The following MDGA2 variants were observed in gnomAD, a reference collection of about 807,000 sequenced individuals.
MDGA2 encodes the protein MAM domain-containing glycosylphosphatidylinositol anchor protein 2.
In MDGA2, 40 loss-of-function variants were observed where a neutral mutation model predicts 117.8. The ratio of observed to expected loss-of-function variants is 0.34; its 90% CI spans 0.26 to 0.44. The LOEUF is 0.44. Among genes scored for constraint, MDGA2 ranks in the 20% least tolerant of loss-of-function variants. The pLI, the probability that MDGA2 is intolerant of heterozygous loss-of-function variation, is 1.00. For missense variants in MDGA2, 1,123 were observed against 1,250.6 expected (o/e 0.90, Z 1.54); for synonymous variants, 452 against 439.0 (o/e 1.03, Z -0.37).
intron 2 of MDGA2, among the ~76,000 whole-genome samples, chr14:47,262,361 C>T (rs117811801): frequency 3.9e-5 from 6 of 152,278 alleles, no homozygotes; most frequent in Non-Finnish European, 7.4e-5. Flanking sequence ...GATGAGTTAA[C>T]ATGACTTAAT....
At chr14:47,629,105 C>T (rs1382121133) in intron 1 of MDGA2, among the ~76,000 whole-genome samples, 3 of 152,090 alleles carry the variant, frequency 2.0e-5, no homozygotes, top group Non-Finnish European at 4.4e-5. Context: ...TCTCAGGGCC[C>T]GCCTCACATC....
At chr14:47,217,050 C>T (rs1886117550) in intron 3 of MDGA2, among the ~76,000 whole-genome samples, 1 of 152,086 alleles carries the variant, frequency 6.6e-6, no homozygotes, top group Non-Finnish European at 1.5e-5. Flanking sequence ...TCACCCACTT[C>T]TCAGTCATCT....
chr14:47,172,706 G>A (rs1265397411), intron 3 of MDGA2, among the ~76,000 whole-genome samples: 1 of 152,100 alleles, frequency 6.6e-6, no homozygotes, highest in African/African-American at 2.4e-5. Flanking sequence ...GGAAAAAACA[G>A]AGCAGAAAAA....
chr14:47,027,422 C>T (rs1470890984), intron 8 of MDGA2, among the ~76,000 whole-genome samples: 2 of 151,974 alleles, frequency 1.3e-5, no homozygotes, highest in Non-Finnish European at 2.9e-5. Flanking sequence ...CACTTCTTTG[C>T]ATAGATGCTG....
chr14:47,413,112 T>C (rs1485109235), intron 1 of MDGA2, among the ~76,000 whole-genome samples: 2 of 152,318 alleles, frequency 1.3e-5, no homozygotes, highest in East Asian at 1.9e-4. Context: ...ATTTGAGCCA[T>C]ATTTCAGTAT....
At chr14:47,083,675 ATT>A (rs1259699487) in intron 6 of MDGA2, among the ~76,000 whole-genome samples, 2 of 152,092 alleles carry the variant, frequency 1.3e-5, no homozygotes, top group African/African-American at 4.8e-5. Context: ...TCACCTATAT[ATT>A]ATCTATAAGA....
rs545493323 is a variant in MDGA2 at position 47,263,054 on chromosome 14, T to C, written c.420+38357A>G. Among the ~76,000 whole-genome samples, 34 of 152,188 alleles carry C rather than the reference T, an allele frequency of 2.2e-4. No homozygotes were observed. In the South Asian group the frequency reaches 6.6e-3, roughly 30 times the overall value. ...AGGGCCTATCGGGCTGTGGGGTAGA[T>C]CCTGCACAAAGGCAAATTTAGCAGG... On this transcript the variant is annotated intron_variant, in intron 2 of 16. Coordinates refer to ENST00000399232, the MANE Select transcript of MDGA2 (RefSeq NM_001113498.3).
chr14:46,978,075 A>T (rs539477581), intron 8 of MDGA2, among the ~76,000 whole-genome samples: 18 of 151,950 alleles, frequency 1.2e-4, no homozygotes, highest in Non-Finnish European at 1.8e-4. Context: ...AGGATTAAAG[A>T]CATTCATTAT....
intron 1 of MDGA2, among the ~76,000 whole-genome samples, chr14:47,497,838 T>C (rs1279645044): frequency 6.6e-6 from 1 of 152,164 alleles, no homozygotes; most frequent in Non-Finnish European, 1.5e-5. Context: ...ATTGTGATTA[T>C]CTATAATCTA....
chr14:47,531,398 T>C (rs767192900), intron 1 of MDGA2, among the ~76,000 whole-genome samples: 3 of 152,218 alleles, frequency 2.0e-5, no homozygotes, highest in Non-Finnish European at 4.4e-5. Context: ...AAAATGTGTA[T>C]GTGTTTTATG....
In MDGA2 at chr14:47,437,094, G is replaced by A. The variant is rs193168248; in HGVS notation, c.281-135544C>T. Among the ~76,000 whole-genome samples the A allele has an allele frequency of 1.9e-3, 278 of 148,358 alleles. 2 individuals are homozygous for A. The highest frequency in any genetic ancestry group is 6.6e-3 in the African/African-American group (265 of 40,360). ...TAGAATTGTACTTTCTTTTTTTTTT[G>A]TGGTGGGGAGGGGGACAATTCCTCT... is the stretch of plus-strand genomic sequence containing the variant. On this transcript the variant is annotated intron_variant, in intron 1 of 16. Coordinates refer to ENST00000399232, the MANE Select transcript of MDGA2 (RefSeq NM_001113498.3).
At chr14:47,140,026 G>A (rs1010184525) in intron 4 of MDGA2, among the ~76,000 whole-genome samples, 4 of 151,564 alleles carry the variant, frequency 2.6e-5, no homozygotes, top group African/African-American at 4.8e-5. Context: ...CATCATATCA[G>A]CTTTTCATAG....
intron 10 of MDGA2, among the ~76,000 whole-genome samples, chr14:46,896,440 T>G (rs1883080130): frequency 6.6e-6 from 1 of 152,158 alleles, no homozygotes. Context: ...TTGTACAACA[T>G]TAATTGATAC....
At chr14:47,006,381 T>A (rs1483664901) in intron 8 of MDGA2, among the ~76,000 whole-genome samples, 1 of 146,554 alleles carries the variant, frequency 6.8e-6, no homozygotes, top group African/African-American at 2.5e-5. Flanking sequence ...TTAAAAATAT[T>A]ATAATTATAA....
At chr14:47,309,842 C>T (rs1889578095) in intron 1 of MDGA2, among the ~76,000 whole-genome samples, 1 of 151,986 alleles carries the variant, frequency 6.6e-6, no homozygotes, top group Non-Finnish European at 1.5e-5. Flanking sequence ...AGAGCAATGA[C>T]ATTCAATAAC....
intron 8 of MDGA2, among the ~76,000 whole-genome samples, chr14:47,021,948 T>G (rs1888300781): frequency 1.3e-5 from 2 of 152,224 alleles, no homozygotes; most frequent in African/African-American, 4.8e-5. Flanking sequence ...TTTTGCATTT[T>G]ATTATTTATT....
chr14:47,293,254 A>G lies in MDGA2; in HGVS notation c.420+8157T>C, dbSNP rs898414920. On this transcript the variant is annotated intron_variant, in intron 2 of 16. Transcript: ENST00000399232. ...TTAATATTCTGTGAAGATAGCTCCTATATCTCTAGCTCTCTTACTATAAGT... is the reference window on the plus strand; with the variant it reads ...TTAATATTCTGTGAAGATAGCTCCTGTATCTCTAGCTCTCTTACTATAAGT... Among the ~76,000 whole-genome samples, 9 of 152,288 alleles carry G rather than the reference A, an allele frequency of 5.9e-5. No homozygotes were observed. In the East Asian group the frequency reaches 1.7e-3, roughly 29 times the overall value.
chr14:47,115,912 A>G (rs1286417120), intron 5 of MDGA2, among the ~76,000 whole-genome samples: 5 of 152,092 alleles, frequency 3.3e-5, no homozygotes, highest in Non-Finnish European at 7.4e-5. Flanking sequence ...TTTTCAACAC[A>G]GTAGTGTTAG....
At chr14:47,596,046 T>A (rs908225322) in intron 1 of MDGA2, among the ~76,000 whole-genome samples, 1 of 152,140 alleles carries the variant, frequency 6.6e-6, no homozygotes, top group Non-Finnish European at 1.5e-5. Flanking sequence ...TGAGGCCAGG[T>A]TGGGGAACCT....
Sources: allele counts gnomAD v4.1 joint callset (sites outside exome capture counted in the v4.1 genomes callset), GRCh38; gene constraint gnomAD v4.1.1; transcripts MANE v1.5; gene names NCBI Gene and HGNC (gene_info 2026-07-23, HGNC 2026-07-21).